The following PYGB variants were observed in gnomAD, a reference collection of about 807,000 sequenced individuals.
The protein encoded by PYGB is glycogen phosphorylase B, also known as glycogen phosphorylase, brain form.
A neutral mutation model predicts 94.3 loss-of-function variants in PYGB; 82 were observed. That is an observed-to-expected ratio of 0.87 (90% confidence interval 0.73 to 1.04). PYGB has a LOEUF of 1.04. PYGB is among the 50% of genes least tolerant of loss of function. The pLI, the probability that PYGB is intolerant of heterozygous loss-of-function variation, is 0.00. For synonymous variants in PYGB, 488 were observed against 479.1 expected (o/e 1.02, Z -0.24); for missense variants, 1,132 against 1,158.2 (o/e 0.98, Z 0.33).
At chr20:25,295,487 C>A in intron 18 of PYGB, 117 bp from the exon 19 acceptor site, 2 of 1,219,982 alleles carry the variant, frequency 1.6e-6, no homozygotes, top group Non-Finnish European at 2.4e-6. Flanking sequence ...TGGGCCCCTT[C>A]GCTCCAGACA....
chr20:25,282,148 G>A lies in PYGB; in HGVS notation c.1518+1G>A. ...GGGGCTGGCCGATACCATCGTGGAG[G>A]TGAGTCCCGGGCCCCACCCGTGCCT... On this transcript the variant is annotated splice_donor_variant, in intron 12 of 19. Coordinates refer to ENST00000216962, the MANE Select transcript of PYGB (RefSeq NM_002862.4). LOFTEE classifies it high-confidence loss of function. The A allele has an allele frequency of 6.2e-7, 1 of 1,608,478 alleles. No homozygotes were observed. Among genetic ancestry groups the A allele is most frequent in the South Asian group, 1.1e-5 (1 of 90,842 alleles).
At position 25,248,110 on chromosome 20, in the gene PYGB, A is replaced by G. The variant is rs940415300; in HGVS notation, c.-69A>G. 12 of 1,446,474 alleles carry G rather than the reference A, an allele frequency of 8.3e-6. No individual in the cohort carries two copies. Among genetic ancestry groups the G allele is most frequent in the East Asian group, 2.8e-5 (1 of 35,146 alleles). The allele number at this position is 1,446,474 out of a possible 1,614,324, so 89.6% of individuals were successfully genotyped here. A position where few individuals can be genotyped will look rare whatever the true frequency, so the allele number is the denominator to read the frequency against. Reference sequence around the variant, plus strand: ...AGAGCAGCGGCGCCAGAGCAGCTGCACCATCCCGGCGTTCGCGTGTGCCGC... The same window carrying G: ...AGAGCAGCGGCGCCAGAGCAGCTGCGCCATCCCGGCGTTCGCGTGTGCCGC... On this transcript the variant is annotated 5_prime_UTR_variant, in exon 1 of 20. Transcript: ENST00000216962.
chr20:25,273,824 CACTT>C (rs374629414), intron 4 of PYGB, among the ~76,000 whole-genome samples: 220 of 152,308 alleles, frequency 1.4e-3, no homozygotes, highest in African/African-American at 4.9e-3. Flanking sequence ...TTTGCAGTGT[CACTT>C]TCTTTCTTTT....
chr20:25,273,281 T>C (rs1354289564), intron 4 of PYGB, among the ~76,000 whole-genome samples: 1 of 152,140 alleles, frequency 6.6e-6, no homozygotes, highest in East Asian at 1.9e-4. Flanking sequence ...GGCCCTGGTG[T>C]TGGGGAATCT....
In PYGB at chr20:25,287,888, G is replaced by T. The variant is rs552567844; in HGVS notation, c.1769-537G>T. Among the ~76,000 whole-genome samples, 253 of 152,048 alleles carry T rather than the reference G, an allele frequency of 1.7e-3. 2 individuals are homozygous for T. The highest frequency in any genetic ancestry group is 3.1e-3 in the Non-Finnish European group (210 of 68,024). On this transcript the variant is annotated intron_variant, in intron 14 of 19. Transcript: ENST00000216962. ...CCCAGCTACTCAGGAGGCTGAGGTGGGAGGATTGCTTGAACCTGGAAGGTA... is the reference window on the plus strand; with the variant it reads ...CCCAGCTACTCAGGAGGCTGAGGTGTGAGGATTGCTTGAACCTGGAAGGTA...
chr20:25,287,244 A>C (rs1286624996), intron 14 of PYGB, among the ~76,000 whole-genome samples: 1 of 152,266 alleles, frequency 6.6e-6, no homozygotes, highest in Non-Finnish European at 1.5e-5. Context: ...CCAGTGAGGC[A>C]GAGGGGAGAC....
rs180898324 is a variant in PYGB, at chr20:25,267,172, C to G, written c.346-1957C>G. Among the ~76,000 whole-genome samples the G allele has an allele frequency of 1.2e-3, 177 of 152,258 alleles. 1 individual carries two copies. The highest frequency in any genetic ancestry group is 2.0e-3 in the Non-Finnish European group (138 of 68,028). On this transcript the variant is annotated intron_variant, in intron 2 of 19. Coordinates refer to ENST00000216962, the MANE Select transcript of PYGB (RefSeq NM_002862.4). The stretch of plus-strand genomic sequence containing the variant: ...CACAGCAGTACAAAGACGGGAAGGG[C>G]TGACACATGGCACAACATGGATGAA...
chr20:25,290,323 TG>T (rs1436965558), intron 15 of PYGB, among the ~76,000 whole-genome samples, 157 bp from the exon 16 acceptor site: 1 of 152,208 alleles, frequency 6.6e-6, no homozygotes, highest in Non-Finnish European at 1.5e-5. Flanking sequence ...GCTGGGGCCT[TG>T]GGGCCGGGGA....
intron 1 of PYGB, among the ~76,000 whole-genome samples, chr20:25,254,767 G>A (rs879753171): frequency 2.0e-5 from 3 of 152,212 alleles, no homozygotes; most frequent in Non-Finnish European, 2.9e-5. Context: ...GGCTCCCATC[G>A]CTTTCTGGCT....
chr20:25,278,642 C>T (rs1311340197), intron 8 of PYGB, among the ~76,000 whole-genome samples, 180 bp downstream of exon 8: 1 of 152,174 alleles, frequency 6.6e-6, no homozygotes, highest in Admixed American at 6.5e-5. Context: ...CAAGGGCCAC[C>T]GGCCTTGTTA....
chr20:25,255,899 A>G (rs973968365), intron 1 of PYGB, among the ~76,000 whole-genome samples: 1 of 151,950 alleles, frequency 6.6e-6, no homozygotes, highest in African/African-American at 2.4e-5. Flanking sequence ...ACGCCCAGCT[A>G]GTTTTGTATT....
At position 25,297,330 on chromosome 20, in the gene PYGB, T is replaced by G. The variant is rs1039275630; in HGVS notation, c.*808T>G. The G allele has an allele frequency of 3.9e-5, 6 of 152,312 alleles. No individual in the cohort carries two copies. The highest frequency in any genetic ancestry group is 1.4e-4 in the African/African-American group (6 of 41,466). 9.4% of individuals were successfully genotyped at this position (152,312 alleles called of 1,614,324 possible). ...GGAAATGAAACTAGCTGAAGCCTTT[T>G]CTTGTTTTAGCAACTGAAAATTGTA... On this transcript the variant is annotated 3_prime_UTR_variant, in exon 20 of 20. Transcript: ENST00000216962.
chr20:25,280,031 G>C (rs138645268), intron 9 of PYGB, among the ~76,000 whole-genome samples: 1 of 152,242 alleles, frequency 6.6e-6, no homozygotes, highest in African/African-American at 2.4e-5. Flanking sequence ...TGTGTGTCAC[G>C]CACTGGACCA....
intron 17 of PYGB, chr20:25,293,780 TC>T: frequency 3.3e-6 from 1 of 300,730 alleles, no homozygotes; most frequent in Non-Finnish European, 6.4e-6. Context: ...CCATTTCACT[TC>T]CTGCCCCTCC....
At chr20:25,285,154 C>G (rs1568696152) in intron 14 of PYGB, 1 of 152,208 alleles carries the variant, frequency 6.6e-6, no homozygotes, top group Non-Finnish European at 1.5e-5. Flanking sequence ...TAGAGGCCAC[C>G]CCCGCTGAGG....
At chr20:25,254,141 C>G (rs2180596) in intron 1 of PYGB, among the ~76,000 whole-genome samples, 1 of 151,714 alleles carries the variant, frequency 6.6e-6, no homozygotes, top group African/African-American at 2.4e-5. Context: ...GTGAGTACTC[C>G]GGAAAAACAG....
chr20:25,293,973 G>T, intron 17 of PYGB, 185 bp from the exon 18 acceptor site: 1 of 673,952 alleles, frequency 1.5e-6, no homozygotes, highest in Non-Finnish European at 2.5e-6. Flanking sequence ...ATCTCTGCTC[G>T]AGCAGGTCCC....
chr20:25,254,640 A>G (rs7272247), intron 1 of PYGB, among the ~76,000 whole-genome samples: 3,319 of 152,306 alleles, frequency 0.022, 111 homozygotes, highest in African/African-American at 0.075. Context: ...AGTTAAAATG[A>G]AAGATTAAAG....
chr20:25,284,039 GC>G lies in PYGB; in HGVS notation c.1621-63del, dbSNP rs1336041545. ...CTTCACAGGGCACTTGAAGCAGGAA[GC>G]CGCAGGGTCAGTGGATGGAGTCCTG... On this transcript the variant is annotated intron_variant, in intron 13 of 19. Transcript: ENST00000216962. 17 of 1,580,414 alleles carry G rather than the reference GC, an allele frequency of 1.1e-5. No individual in the cohort carries two copies. The South Asian group carries it at 1.9e-4, about 17-fold the overall frequency.
Sources: gnomAD v4.1 joint callset for allele counts (sites outside exome capture counted in the v4.1 genomes callset) on GRCh38, gnomAD v4.1.1 for gene constraint, MANE v1.5 for transcripts, NCBI Gene and HGNC (gene_info 2026-07-23, HGNC 2026-07-21) for gene names.